LMAN1: variants seen among roughly 807,000 people sequenced by gnomAD.
LMAN1 encodes protein ERGIC-53.
A neutral mutation model predicts 67.8 loss-of-function variants in LMAN1; 32 were observed. That is an observed-to-expected ratio of 0.47 (90% CI 0.36 to 0.63). LMAN1 has a LOEUF of 0.63. Ranked by LOEUF, LMAN1 falls within the 30% of genes least tolerant of loss-of-function variation. The pLI is 0.00. For synonymous variants in LMAN1, 235 were observed against 219.3 expected (o/e 1.07, Z -0.63); for missense variants, 632 against 628.2 (o/e 1.01, Z -0.06).
At chr18:59,358,455 T>C (rs1286215414) in intron 1 of LMAN1, among the ~76,000 whole-genome samples, 2 of 152,162 alleles carry the variant, frequency 1.3e-5, no homozygotes, top group Non-Finnish European at 2.9e-5. Context: ...GAATGTCTTC[T>C]GACATACAAA....
chr18:59,349,089 A>G (rs1290059702), intron 6 of LMAN1, 24 bp downstream of exon 6: 10 of 1,613,864 alleles, frequency 6.2e-6, no homozygotes, highest in Non-Finnish European at 8.5e-6. Context: ...CAAACTTTTA[A>G]TATCATCAGA....
chr18:59,349,716 G>A (rs920446275), intron 5 of LMAN1, among the ~76,000 whole-genome samples: 1 of 152,124 alleles, frequency 6.6e-6, no homozygotes, highest in Admixed American at 6.5e-5. Flanking sequence ...GGTTAGCAGA[G>A]AACAAAAGTG....
In LMAN1 at chr18:59,330,516, T is replaced by C. The variant is rs989572329; in HGVS notation, c.*577A>G. The C allele has an allele frequency of 1.3e-5, 2 of 152,478 alleles. No homozygotes were observed. Among genetic ancestry groups the C allele is most frequent in the African/African-American group, 4.8e-5 (2 of 41,404 alleles). 9.4% of individuals were successfully genotyped at this position (152,478 alleles called of 1,614,324 possible). ...AAAAGTGAAATATATCATTGATAAA[T>C]AGAGGAAAAAAAAATTTCACTTAAC... On this transcript the variant is annotated 3_prime_UTR_variant, in exon 13 of 13. Coordinates refer to ENST00000251047, the MANE Select transcript of LMAN1 (RefSeq NM_005570.4).
chr18:59,338,953 G>A lies in LMAN1; in HGVS notation c.956C>T (p.Ala319Val), dbSNP rs201253101. The A allele has an allele frequency of 4.5e-5, 73 of 1,608,696 alleles. No individual in the cohort carries two copies. In the Admixed American group the frequency reaches 9.2e-4, roughly 20 times the overall value. ...TCCTACACTCTCAAATATTTCCTCC[G>A]CTGAAAAGGAAATAAATAAAAATGA... Reference protein sequence around the residue: ...KGHPDLQGQPAEEIFESVGDR... With the variant: ...KGHPDLQGQPVEEIFESVGDR... The change falls in exon 9 of 13, where the codon GCG becomes GTG. Residue 319 changes from alanine to valine, a missense_variant and splice_region_variant. By Grantham distance (64) the Ala-to-Val change is moderately conservative. Transcript: ENST00000251047.
chr18:59,355,458 G>A (rs1415344759), intron 2 of LMAN1, 38 bp from the exon 3 acceptor site: 2 of 1,613,632 alleles, frequency 1.2e-6, no homozygotes, highest in Admixed American at 3.3e-5. Context: ...GAGGCTAGTG[G>A]TATATGCATT....
chr18:59,350,418 T>G (rs1908514567), intron 5 of LMAN1, among the ~76,000 whole-genome samples: 1 of 152,212 alleles, frequency 6.6e-6, no homozygotes, highest in African/African-American at 2.4e-5. Flanking sequence ...CTCCAATTGT[T>G]CAGTATTTTT....
intron 8 of LMAN1, among the ~76,000 whole-genome samples, chr18:59,343,549 G>A (rs1908334304): frequency 6.6e-6 from 1 of 152,062 alleles, no homozygotes; most frequent in Admixed American, 6.6e-5. Context: ...AAACACTGGG[G>A]AAAGGACATC....
At chr18:59,332,599 C>T (rs1304203618) in intron 11 of LMAN1, among the ~76,000 whole-genome samples, 2 of 152,126 alleles carry the variant, frequency 1.3e-5, no homozygotes, top group African/African-American at 4.8e-5. Context: ...GGGATTTCTG[C>T]TTCTGGTAAA....
intron 8 of LMAN1, among the ~76,000 whole-genome samples, chr18:59,341,638 A>G (rs900009168): frequency 3.3e-5 from 5 of 152,110 alleles, no homozygotes; most frequent in Admixed American, 3.3e-4. Context: ...AAATGTAAAA[A>G]TTTCTTGAAA....
chr18:59,358,646 G>A (rs1908717473), intron 1 of LMAN1, among the ~76,000 whole-genome samples: 1 of 152,098 alleles, frequency 6.6e-6, no homozygotes, highest in Non-Finnish European at 1.5e-5. Flanking sequence ...GGTTGGGATG[G>A]CTGGGGGTAG....
intron 11 of LMAN1, 74 bp from the exon 12 acceptor site, chr18:59,331,613 T>C: frequency 1.3e-6 from 2 of 1,501,410 alleles, no homozygotes; most frequent in South Asian, 2.3e-5. Context: ...GTGAAATCTT[T>C]ATAAAACTGT....
intron 4 of LMAN1, among the ~76,000 whole-genome samples, chr18:59,353,861 A>AT (rs1371212492): frequency 6.6e-6 from 1 of 152,238 alleles, no homozygotes; most frequent in Non-Finnish European, 1.5e-5. Context: ...GTATTTACAT[A>AT]TAACGTGTAC....
In LMAN1 at chr18:59,335,237, C is replaced by T. The variant is rs564056211; in HGVS notation, c.1221-1993G>A. Among the ~76,000 whole-genome samples the T allele has an allele frequency of 1.8e-3, 272 of 152,082 alleles. 1 individual carries two copies. The highest frequency in any genetic ancestry group is 6.4e-3 in the African/African-American group (266 of 41,486). ...TCACCTGAGGTCAGGAGTTCGAGAC[C>T]AGCCTGGCCAACATGGAGAAACCCC... On this transcript the variant is annotated intron_variant, in intron 10 of 12. Coordinates refer to ENST00000251047, the MANE Select transcript of LMAN1 (RefSeq NM_005570.4).
At position 59,353,301 on chromosome 18, in the gene LMAN1, A is replaced by C. The variant is rs886054038; in HGVS notation, c.540T>G (p.Asn180Lys). The change falls in exon 5 of 13, where the codon AAT (asparagine) becomes AAG (lysine). Residue 180 changes from asparagine to lysine, a missense_variant and splice_region_variant. Asn to Lys is a moderately conservative substitution (Grantham distance 94, BLOSUM62 0). Coordinates refer to ENST00000251047, the MANE Select transcript of LMAN1 (RefSeq NM_005570.4). ...TTGCCAAAGCTTGACTAGCCCCGTC[A>C]CTATAGTGTAAGGGGGAGGAAAACA... The part of the protein sequence containing the change: ...NNGQIHYDHQ[N>K]DGASQALASC... 3.7e-6 allele frequency: 6 copies of C among 1,611,062 alleles called. No individual in the cohort carries two copies. Among genetic ancestry groups the C allele is most frequent in the Non-Finnish European group, 5.1e-6 (6 of 1,177,302 alleles).
At chr18:59,351,754 G>A (rs778979893) in intron 5 of LMAN1, among the ~76,000 whole-genome samples, 7 of 152,176 alleles carry the variant, frequency 4.6e-5, no homozygotes, top group Admixed American at 6.5e-5. Flanking sequence ...TGGGTCACAC[G>A]GACAGTCTGC....
At chr18:59,354,468 G>A (rs369407268) in intron 4 of LMAN1, 51 bp downstream of exon 4, 50 of 977,880 alleles carry the variant, frequency 5.1e-5, no homozygotes, top group Non-Finnish European at 7.8e-5. Flanking sequence ...ATTTCATAAG[G>A]ATTCCAAAAA....
At chr18:59,336,998 C>CAGAA (rs1908173686) in intron 10 of LMAN1, among the ~76,000 whole-genome samples, 2 of 151,640 alleles carry the variant, frequency 1.3e-5, no homozygotes, top group Non-Finnish European at 2.9e-5. Context: ...AATGAATGAG[C>CAGAA]AGAAGGTTGA....
At chr18:59,347,894 C>T (rs941564305) in intron 6 of LMAN1, among the ~76,000 whole-genome samples, 1 of 152,182 alleles carries the variant, frequency 6.6e-6, no homozygotes, top group African/African-American at 2.4e-5. Flanking sequence ...AAAAGAAGTC[C>T]AAACTCCTTA....
At chr18:59,332,843 A>C (rs1463814089) in intron 11 of LMAN1, among the ~76,000 whole-genome samples, 2 of 152,206 alleles carry the variant, frequency 1.3e-5, no homozygotes, top group African/African-American at 4.8e-5. Context: ...AAATCAGAAA[A>C]TATTTTCACG....
Sources: allele counts gnomAD v4.1 joint callset (sites outside exome capture counted in the v4.1 genomes callset), GRCh38; gene constraint gnomAD v4.1.1; transcripts MANE v1.5; gene names NCBI Gene and HGNC (gene_info 2026-07-23, HGNC 2026-07-21).